GALNT13: variants seen among roughly 807,000 people sequenced by gnomAD.
GALNT13 encodes the protein polypeptide N-acetylgalactosaminyltransferase 13.
GALNT13 carries 28 observed loss-of-function variants against 64.2 expected under a neutral mutation model. The observed-to-expected ratio is 0.44, with a 90% CI of 0.32 to 0.60. GALNT13 has a LOEUF of 0.60. Ranked by LOEUF, GALNT13 falls within the 20% of genes least tolerant of loss-of-function variation. The pLI, the probability that GALNT13 is intolerant of heterozygous loss-of-function variation, is 0.05. For missense variants in GALNT13, 577 were observed against 669.8 expected (o/e 0.86, Z 1.53); for synonymous variants, 214 against 224.6 (o/e 0.95, Z 0.42).
At chr2:154,147,419 G>A (rs1166804912) in intron 4 of GALNT13, among the ~76,000 whole-genome samples, 2 of 150,160 alleles carry the variant, frequency 1.3e-5, no homozygotes, top group Admixed American at 6.7e-5. Context: ...GTATGTGGCA[G>A]TGTGAATTTA....
At chr2:154,100,641 G>T (rs573947799) in intron 3 of GALNT13, among the ~76,000 whole-genome samples, 3 of 151,958 alleles carry the variant, frequency 2.0e-5, no homozygotes, top group Non-Finnish European at 4.4e-5. Context: ...AGTTCATGTT[G>T]TAAGTGAAGA....
At chr2:153,769,541 G>C in the GALNT13 span, among the ~76,000 whole-genome samples, 50,450 of 151,994 alleles carry the variant, frequency 0.33, 8,815 homozygotes, top group Non-Finnish European at 0.36. Flanking sequence ...TGGATAGTTT[G>C]ATTATCATAT....
chr2:154,152,634 T>G (rs550367807), intron 4 of GALNT13, among the ~76,000 whole-genome samples: 8 of 152,270 alleles, frequency 5.3e-5, no homozygotes, highest in East Asian at 3.9e-4. Flanking sequence ...TCATTTCTTT[T>G]TATTCTTTTT....
At chr2:153,350,891 G>A in the GALNT13 span, among the ~76,000 whole-genome samples, 2 of 151,984 alleles carry the variant, frequency 1.3e-5, no homozygotes, top group African/African-American at 2.4e-5. Flanking sequence ...GAAGCAGAAC[G>A]AGAAAAAACT....
chr2:153,931,233 A>G (rs760091959), intron 2 of GALNT13, among the ~76,000 whole-genome samples: 21 of 150,734 alleles, frequency 1.4e-4, no homozygotes, highest in Admixed American at 3.3e-4. Flanking sequence ...CATCTGATCT[A>G]GTAGCCTTTT....
At chr2:153,440,838 C>CT in the GALNT13 span, among the ~76,000 whole-genome samples, 1 of 151,934 alleles carries the variant, frequency 6.6e-6, no homozygotes, top group South Asian at 2.1e-4. Context: ...TTTGTATCTT[C>CT]TGGATACTAG....
intron 3 of GALNT13, among the ~76,000 whole-genome samples, chr2:153,950,287 A>G (rs982698014): frequency 7.2e-5 from 11 of 151,966 alleles, no homozygotes; most frequent in African/African-American, 2.7e-4. Context: ...AACCCAATAG[A>G]AAAAAATGGG....
chr2:153,486,780 C>T, the GALNT13 span, among the ~76,000 whole-genome samples: 1 of 152,282 alleles, frequency 6.6e-6, no homozygotes, highest in Middle Eastern at 3.4e-3. Flanking sequence ...TTTGCCTCCA[C>T]AGAATTTTTG....
At chr2:153,118,279 C>T in the GALNT13 span, among the ~76,000 whole-genome samples, 1 of 152,130 alleles carries the variant, frequency 6.6e-6, no homozygotes, top group Non-Finnish European at 1.5e-5. Flanking sequence ...ATTTCAATTG[C>T]CCTTAATTTC....
chr2:153,743,964 G>C, the GALNT13 span, among the ~76,000 whole-genome samples: 10 of 152,048 alleles, frequency 6.6e-5, no homozygotes, highest in Non-Finnish European at 1.5e-4. Flanking sequence ...TTAGCATCAT[G>C]ACCTCCAGTT....
At chr2:153,683,499 T>G in the GALNT13 span, among the ~76,000 whole-genome samples, 4 of 151,722 alleles carry the variant, frequency 2.6e-5, no homozygotes, top group Non-Finnish European at 5.9e-5. Flanking sequence ...TCTCAACAAC[T>G]TTTCAGTGTT....
the GALNT13 span, among the ~76,000 whole-genome samples, chr2:153,218,187 G>A: frequency 6.6e-6 from 1 of 152,234 alleles, no homozygotes; most frequent in South Asian, 2.1e-4. Flanking sequence ...CTGCTGTCTT[G>A]TCTCTCTTCT....
intron 2 of GALNT13, among the ~76,000 whole-genome samples, chr2:153,920,745 C>A (rs1481777719): frequency 6.6e-6 from 1 of 151,930 alleles, no homozygotes; most frequent in Non-Finnish European, 1.5e-5. Context: ...GAACAAAGGT[C>A]AAATATCCAG....
the GALNT13 span, among the ~76,000 whole-genome samples, chr2:153,086,345 T>A: frequency 1.3e-5 from 2 of 152,180 alleles, no homozygotes; most frequent in Non-Finnish European, 2.9e-5. Context: ...GGGCCAGGGA[T>A]GAAATGATAT....
intron 4 of GALNT13, among the ~76,000 whole-genome samples, chr2:154,241,803 T>C (rs968576140): frequency 2.0e-5 from 3 of 152,202 alleles, no homozygotes; most frequent in Admixed American, 1.3e-4. Flanking sequence ...CTTTGTTCCC[T>C]GCAGGAGTTA....
the GALNT13 span, among the ~76,000 whole-genome samples, chr2:153,502,101 A>G: frequency 6.6e-6 from 1 of 152,144 alleles, no homozygotes; most frequent in Non-Finnish European, 1.5e-5. Context: ...TTATTTTTAT[A>G]TTAATAGGTT....
At chr2:153,766,683 T>C in the GALNT13 span, among the ~76,000 whole-genome samples, 1 of 152,130 alleles carries the variant, frequency 6.6e-6, no homozygotes, top group African/African-American at 2.4e-5. Flanking sequence ...ATATTCTTTA[T>C]CTCTAGGATT....
the GALNT13 span, among the ~76,000 whole-genome samples, chr2:153,537,305 T>G: frequency 1.1e-4 from 16 of 152,308 alleles, no homozygotes; most frequent in African/African-American, 3.6e-4. Context: ...CCAAAGAGCA[T>G]TCTGGCAGAG....
chr2:153,374,796 C>G, the GALNT13 span, among the ~76,000 whole-genome samples: 1 of 152,142 alleles, frequency 6.6e-6, no homozygotes. Context: ...GGATCAGGTT[C>G]TGCCAGGCAC....
Sources: allele counts gnomAD v4.1 joint callset (sites outside exome capture counted in the v4.1 genomes callset), GRCh38; gene constraint gnomAD v4.1.1; transcripts MANE v1.5; gene names NCBI Gene and HGNC (gene_info 2026-07-23, HGNC 2026-07-21).